The following NPAS2 variants were observed in gnomAD, a reference collection of about 807,000 sequenced individuals.
The protein encoded by NPAS2 is neuronal PAS domain protein 2.
In NPAS2, 23 loss-of-function variants were observed where a neutral mutation model predicts 107.5. The ratio of observed to expected loss-of-function variants is 0.21; its 90% CI spans 0.15 to 0.30. The LOEUF is 0.30. Among genes scored for constraint, NPAS2 ranks in the 10% least tolerant of loss-of-function variants. The probability of loss-of-function intolerance (pLI) is 1.00; values close to 1 mark genes in which losing one functional copy is unlikely to be tolerated. For synonymous variants in NPAS2, 403 were observed against 417.5 expected (o/e 0.97, Z 0.42); for missense variants, 756 against 1,043.3 (o/e 0.72, Z 3.79).
At position 100,877,581 on chromosome 2, in the gene NPAS2, A is replaced by G. The variant is rs1208145521; in HGVS notation, c.-22-27152A>G. Among the ~76,000 whole-genome samples, 8 of 152,224 alleles carry G rather than the reference A, an allele frequency of 5.3e-5. No individual in the cohort carries two copies. The South Asian group carries it at 8.3e-4, about 16-fold the overall frequency. On this transcript the variant is annotated intron_variant, in intron 1 of 20. Coordinates refer to ENST00000335681, the MANE Select transcript of NPAS2 (RefSeq NM_002518.4). Reference sequence around the variant, plus strand: ...GCAGCCTTCAGCCTCCCCTCCCCTCAGGTGGGCTCACAGCCCCAAGGGTTT... The same window carrying G: ...GCAGCCTTCAGCCTCCCCTCCCCTCGGGTGGGCTCACAGCCCCAAGGGTTT...
chr2:100,988,024 C>T, intron 16 of NPAS2, 55 bp from the exon 17 acceptor site: 1 of 1,581,366 alleles, frequency 6.3e-7, no homozygotes, highest in Non-Finnish European at 8.7e-7. Flanking sequence ...AGGAGGTGCA[C>T]ACTGGTGAGG....
intron 19 of NPAS2, among the ~76,000 whole-genome samples, chr2:100,991,942 T>C (rs959761400): frequency 2.6e-5 from 4 of 152,188 alleles, no homozygotes; most frequent in African/African-American, 7.2e-5. Context: ...AGGATAACTT[T>C]CTAGGCAGCC....
chr2:100,852,859 A>G (rs1400383801), intron 1 of NPAS2, among the ~76,000 whole-genome samples: 1 of 152,190 alleles, frequency 6.6e-6, no homozygotes, highest in Non-Finnish European at 1.5e-5. Context: ...AGGGGCGTTC[A>G]GTGCTTTCTT....
intron 1 of NPAS2, chr2:100,821,095 T>G (rs1300321385): frequency 7.7e-7 from 1 of 1,304,374 alleles, no homozygotes; most frequent in African/African-American, 1.5e-5. Flanking sequence ...CCTTTGACCT[T>G]TCTGAAGAGC....
chr2:100,975,610 A>G, intron 14 of NPAS2, 43 bp downstream of exon 14: 3 of 1,426,532 alleles, frequency 2.1e-6, no homozygotes, highest in Non-Finnish European at 2.9e-6. Flanking sequence ...GTACGCTACA[A>G]TGTGGTGGGG....
Position 100,965,026 on chromosome 2 carries a change from G to A in NPAS2, c.800+83G>A. On this transcript the variant is annotated intron_variant, in intron 9 of 20. Transcript: ENST00000335681. The surrounding 1 kb of genome is among the most constrained non-coding windows in gnomAD (Gnocchi z 4.3). The stretch of plus-strand genomic sequence containing the variant: ...GCCAGGCTCTCCTTGGGAGAGAAGA[G>A]TCGGCCCTGGTCCATTGAAAGAGGA... 1.1e-6 allele frequency: 1 copy of A among 871,120 alleles called. No homozygotes were observed. The highest frequency in any genetic ancestry group is 2.8e-5 in the East Asian group (1 of 35,590). 54.0% of individuals were successfully genotyped at this position (871,120 alleles called of 1,614,324 possible). A position where few individuals can be genotyped will look rare whatever the true frequency, so the allele number is the denominator to read the frequency against.
intron 3 of NPAS2, among the ~76,000 whole-genome samples, chr2:100,927,136 A>G (rs538406226): frequency 1.3e-5 from 2 of 151,996 alleles, no homozygotes; most frequent in East Asian, 1.9e-4. Context: ...GGGTTTCACC[A>G]TGTTAGCCAG....
Position 100,937,650 on chromosome 2 carries a change from T to G in NPAS2, c.274-103T>G, listed in dbSNP as rs1173305930. The stretch of plus-strand genomic sequence containing the variant: ...TTATTCATGGAAATATTCTGAGGAT[T>G]ATAAAACAAAGCCAGTGTCCTAAAA... On this transcript the variant is annotated intron_variant, in intron 4 of 20. Transcript: ENST00000335681. 35 of 843,594 alleles carry G rather than the reference T, an allele frequency of 4.1e-5. No homozygotes were observed. In the South Asian group the frequency reaches 4.4e-4, roughly 11 times the overall value. 52.3% of individuals were successfully genotyped at this position (843,594 alleles called of 1,614,324 possible).
In NPAS2 at chr2:100,993,734, G is replaced by A. The variant is rs561904553; in HGVS notation, c.2292+207G>A. 33 of 436,732 alleles carry A rather than the reference G, an allele frequency of 7.6e-5. No homozygotes were observed. The South Asian group carries it at 2.4e-3, about 32-fold the overall frequency. 27.1% of individuals were successfully genotyped at this position (436,732 alleles called of 1,614,324 possible). ...GTCTACAGAGTACATGAAATTACGA[G>A]TCGGCTATTATGCCTTATGTGGTTA... is the stretch of plus-strand genomic sequence containing the variant. On this transcript the variant is annotated intron_variant, in intron 20 of 20. Coordinates refer to ENST00000335681, the MANE Select transcript of NPAS2 (RefSeq NM_002518.4).
chr2:100,842,115 G>T (rs1677475659), intron 1 of NPAS2, among the ~76,000 whole-genome samples: 1 of 119,188 alleles, frequency 8.4e-6, no homozygotes, highest in Non-Finnish European at 2.1e-5. Flanking sequence ...ACACACTTAA[G>T]CCCCCAGGTG....
In NPAS2 at chr2:100,965,875, T is replaced by C; in HGVS notation, c.907+109T>C. On this transcript the variant is annotated intron_variant, in intron 10 of 20. Transcript: ENST00000335681. The surrounding 1 kb of genome is among the most constrained non-coding windows in gnomAD (Gnocchi z 4.3). ...GCCTCTGCTCGTTACCTGGTTTCTT[T>C]TTAAGGTGAGGAACTTGGTTTTCTC... is the stretch of plus-strand genomic sequence containing the variant. The C allele has an allele frequency of 1.4e-6, 1 of 706,702 alleles. No individual in the cohort carries two copies. The highest frequency in any genetic ancestry group is 2.4e-6 in the Non-Finnish European group (1 of 409,156). 43.8% of individuals were successfully genotyped at this position (706,702 alleles called of 1,614,324 possible).
rs1233270481 is a variant in NPAS2, at chr2:100,833,476, C to A, written c.-23+13062C>A. ...GAATGAAGTACTTGGTTTTTTCAGA[C>A]AAGGTACATTCTAGCAAGTAAAACC... On this transcript the variant is annotated intron_variant, in intron 1 of 20. Coordinates refer to ENST00000335681, the MANE Select transcript of NPAS2 (RefSeq NM_002518.4). Among the ~76,000 whole-genome samples, 5 of 152,296 alleles carry A rather than the reference C, an allele frequency of 3.3e-5. No homozygotes were observed. In the South Asian group the frequency reaches 1.0e-3, roughly 32 times the overall value.
intron 2 of NPAS2, among the ~76,000 whole-genome samples, chr2:100,915,948 A>C (rs1396971774): frequency 1.3e-5 from 2 of 152,186 alleles, no homozygotes; most frequent in African/African-American, 4.8e-5. Flanking sequence ...ATTGCAGCAT[A>C]AAAGAGGGGA....
chr2:100,819,797 C>A (rs979343504), upstream of NPAS2, among the ~76,000 whole-genome samples: 1 of 152,066 alleles, frequency 6.6e-6, no homozygotes. This position sits in a 1 kb window ranked among gnomAD's most constrained non-coding sequence, Gnocchi z 5.8. Flanking sequence ...CACAACCCCC[C>A]CCTCCCCCAG....
chr2:100,961,438 G>GTT (rs1182069959), intron 7 of NPAS2, among the ~76,000 whole-genome samples: 1 of 152,138 alleles, frequency 6.6e-6, no homozygotes, highest in African/African-American at 2.4e-5. Flanking sequence ...CATGCCCTCA[G>GTT]TTTTTTTAAG....
At chr2:100,955,275 T>C (rs1675501018) in intron 7 of NPAS2, among the ~76,000 whole-genome samples, 1 of 152,218 alleles carries the variant, frequency 6.6e-6, no homozygotes, top group Non-Finnish European at 1.5e-5. Flanking sequence ...TCTTATTTGA[T>C]GCCTGTCCTT....
intron 2 of NPAS2, among the ~76,000 whole-genome samples, chr2:100,907,162 G>A (rs530315696): frequency 1.3e-5 from 2 of 152,120 alleles, no homozygotes; most frequent in African/African-American, 4.8e-5. Flanking sequence ...CTCTAAATCA[G>A]GAAGAGATAA....
At chr2:100,978,320 G>A (rs1371427082) in intron 15 of NPAS2, among the ~76,000 whole-genome samples, 3 of 152,126 alleles carry the variant, frequency 2.0e-5, no homozygotes, top group Non-Finnish European at 4.4e-5. Context: ...CCAAGTTGCT[G>A]CAGAAGTCCA....
chr2:100,870,449 G>A (rs1464194927), intron 1 of NPAS2, among the ~76,000 whole-genome samples: 1 of 151,882 alleles, frequency 6.6e-6, no homozygotes, highest in Non-Finnish European at 1.5e-5. Context: ...AGGCTGGAGT[G>A]CAGTGGCACG....
Sources: gnomAD v4.1 joint callset for allele counts (sites outside exome capture counted in the v4.1 genomes callset) on GRCh38, gnomAD v4.1.1 for gene constraint, Gnocchi (gnomAD v3.1) non-coding constraint, MANE v1.5 for transcripts, NCBI Gene and HGNC (gene_info 2026-07-23, HGNC 2026-07-21) for gene names.